KIT: variants seen among roughly 807,000 people sequenced by gnomAD.
KIT encodes the protein KIT proto-oncogene, receptor tyrosine kinase, also known as mast/stem cell growth factor receptor Kit.
KIT carries 16 observed loss-of-function variants against 105.7 expected under a neutral mutation model. That is an observed-to-expected ratio of 0.15 (90% CI 0.10 to 0.23). The LOEUF is 0.23. Among genes scored for constraint, KIT ranks in the 10% least tolerant of loss-of-function variants. The pLI is 1.00. For synonymous variants in KIT, 438 were observed against 441.1 expected, an observed-to-expected ratio of 0.99 and a Z score of 0.09; for missense variants, 858 against 1,213.8, an observed-to-expected ratio of 0.71 and a Z score of 4.36.
intron 9 of KIT, 92 bp from the exon 10 acceptor site, chr4:54,727,126 G>A: frequency 9.8e-7 from 1 of 1,016,298 alleles, no homozygotes; most frequent in Non-Finnish European, 1.6e-6. Flanking sequence ...TGGGCTGTGA[G>A]TTGGGAGGTG....
intron 1 of KIT, among the ~76,000 whole-genome samples, chr4:54,658,445 C>A (rs1049960173): frequency 6.6e-6 from 1 of 152,000 alleles, no homozygotes; most frequent in African/African-American, 2.4e-5. Context: ...GCACCGAGCG[C>A]CTTCTCTTGC....
chr4:54,719,752 T>C (rs986423113), intron 7 of KIT, among the ~76,000 whole-genome samples: 1 of 152,198 alleles, frequency 6.6e-6, no homozygotes, highest in Admixed American at 6.5e-5. Context: ...AAAGGCAAGA[T>C]GTATATTTAA....
At chr4:54,735,380 A>C (rs537556736) in intron 17 of KIT, among the ~76,000 whole-genome samples, 44 of 107,502 alleles carry the variant, frequency 4.1e-4, no homozygotes, top group Non-Finnish European at 6.8e-4. Flanking sequence ...AAAAAAAAAG[A>C]AAAAAAAAAA....
chr4:54,668,171 GA>G (rs1473976774), intron 1 of KIT, among the ~76,000 whole-genome samples: 1 of 152,144 alleles, frequency 6.6e-6, no homozygotes, highest in African/African-American at 2.4e-5. Context: ...TCCTGTTTTA[GA>G]AACCTATTAG....
chr4:54,682,432 T>TATTAATGTAAGAGA (rs1222813535), intron 1 of KIT, among the ~76,000 whole-genome samples: 3 of 151,948 alleles, frequency 2.0e-5, no homozygotes, highest in Non-Finnish European at 4.4e-5. Flanking sequence ...TTTGTCTTTT[T>TATTAATGTAAGAGA]TTTCTTTTTT....
chr4:54,732,705 G>A (rs985021967), intron 16 of KIT, among the ~76,000 whole-genome samples: 2 of 152,136 alleles, frequency 1.3e-5, no homozygotes, highest in African/African-American at 2.4e-5. Flanking sequence ...GATTGAATTT[G>A]CAAAGGCATA....
intron 7 of KIT, among the ~76,000 whole-genome samples, chr4:54,714,815 G>T (rs945417939): frequency 6.6e-6 from 1 of 152,194 alleles, no homozygotes; most frequent in Admixed American, 6.5e-5. Flanking sequence ...AGCCAGTGCG[G>T]TGGGAGTACT....
At chr4:54,723,169 C>T (rs2109759050) in intron 7 of KIT, among the ~76,000 whole-genome samples, 1 of 152,230 alleles carries the variant, frequency 6.6e-6, no homozygotes, top group South Asian at 2.1e-4. Context: ...CATTCCAGTT[C>T]CCACAATAAC....
At position 54,658,137 on chromosome 4, in the gene KIT, T is replaced by C. The variant is rs999020; in HGVS notation, c.67+56T>C. On this transcript the variant is annotated intron_variant, in intron 1 of 20. Coordinates refer to ENST00000288135, the MANE Select transcript of KIT (RefSeq NM_000222.3). The stretch of plus-strand genomic sequence containing the variant: ...GCGACTACTCGGCGAAGCCTGTGCC[T>C]GGGAGGGTGGTACCCGCCAGGGTGC... 868,019 of 1,559,174 alleles carry C rather than the reference T, an allele frequency of 0.56. 243,586 individuals are homozygous for C. Among genetic ancestry groups the C allele is most frequent in the African/African-American group, 0.67 (49,873 of 73,920 alleles).
At position 54,723,787 on chromosome 4, in the gene KIT, T is replaced by A. The variant is rs192927826; in HGVS notation, c.1346+89T>A. 898 of 884,436 alleles carry A rather than the reference T, an allele frequency of 1.0e-3. 10 individuals carry two copies. The East Asian group carries it at 0.011, about 10-fold the overall frequency. 54.8% of individuals were successfully genotyped at this position (884,436 alleles called of 1,614,324 possible). On this transcript the variant is annotated intron_variant, in intron 8 of 20. Coordinates refer to ENST00000288135, the MANE Select transcript of KIT (RefSeq NM_000222.3). ...TTCAAATATGTTTTCTGATTTTTTTTAAAAAAGCTTTGTTTTGATTATTGT... is the reference window on the plus strand; with the variant it reads ...TTCAAATATGTTTTCTGATTTTTTTAAAAAAAGCTTTGTTTTGATTATTGT...
At chr4:54,664,582 ATTATTTAT>A (rs3033777) in intron 1 of KIT, among the ~76,000 whole-genome samples, 50,495 of 144,162 alleles carry the variant, frequency 0.35, 9,001 homozygotes, top group Admixed American at 0.45. Context: ...GTCTGTTTTT[ATTATTTAT>A]TTATTTATTT....
chr4:54,680,138 A>C (rs1718799070), intron 1 of KIT, among the ~76,000 whole-genome samples: 1 of 152,136 alleles, frequency 6.6e-6, no homozygotes, highest in Non-Finnish European at 1.5e-5. Context: ...GTATACTTGC[A>C]AGGTTAAAAT....
Position 54,698,213 on chromosome 4 carries a change from A to G in KIT, c.338-71A>G, listed in dbSNP as rs1419754416. On this transcript the variant is annotated intron_variant, in intron 2 of 20. Transcript: ENST00000288135. Reference sequence around the variant, plus strand: ...CTAGTCATGAAAGGCAACATATTAGATCTTTTAAAAAGTGTTTTCAGTGTC... The same window carrying G: ...CTAGTCATGAAAGGCAACATATTAGGTCTTTTAAAAAGTGTTTTCAGTGTC... The G allele has an allele frequency of 2.0e-6, 3 of 1,476,042 alleles. No homozygotes were observed. The East Asian group carries it at 7.0e-5, about 34-fold the overall frequency. The allele number at this position is 1,476,042 out of a possible 1,614,324, so 91.4% of individuals were successfully genotyped here.
At chr4:54,733,389 G>C (rs1250425056) in intron 17 of KIT, 197 bp downstream of exon 17, 4 of 531,508 alleles carry the variant, frequency 7.5e-6, no homozygotes, top group African/African-American at 1.9e-5. Context: ...AATAATAGAA[G>C]TCCTAATTCT....
Position 54,695,525 on chromosome 4 carries a change from A to G in KIT, c.81A>G (p.Pro27=). The G allele has an allele frequency of 6.2e-7, 1 of 1,614,194 alleles. No individual in the cohort carries two copies. Among genetic ancestry groups the G allele is most frequent in the Middle Eastern group, 1.6e-4 (1 of 6,062 alleles). The change falls in exon 2 of 21, where the codon CCA becomes CCG. Residue 27 remains proline (P), a synonymous_variant. Coordinates refer to ENST00000288135, the MANE Select transcript of KIT (RefSeq NM_000222.3). ...LLRVQTGSSQ[P]SVSPGEPSPP... is the part of the protein sequence containing the mutation. Reference sequence around the variant, plus strand: ...TTTTCTTGGCAGGCTCTTCTCAACCATCTGTGAGTCCAGGGGAACCGTCTC... The same window carrying G: ...TTTTCTTGGCAGGCTCTTCTCAACCGTCTGTGAGTCCAGGGGAACCGTCTC...
chr4:54,710,039 C>G (rs1377455788), intron 7 of KIT, among the ~76,000 whole-genome samples: 2 of 152,112 alleles, frequency 1.3e-5, no homozygotes, highest in Non-Finnish European at 2.9e-5. Flanking sequence ...TACTGAGTAC[C>G]ATGTGGTATG....
intron 1 of KIT, among the ~76,000 whole-genome samples, chr4:54,665,031 G>T (rs1717589364): frequency 6.6e-6 from 1 of 151,910 alleles, no homozygotes; most frequent in South Asian, 2.1e-4. Context: ...TATACCCATT[G>T]AAGAGCAGCT....
At chr4:54,679,984 A>C (rs1466771643) in intron 1 of KIT, among the ~76,000 whole-genome samples, 1 of 152,230 alleles carries the variant, frequency 6.6e-6, no homozygotes, top group East Asian at 1.9e-4. Context: ...GACAGAAAGT[A>C]GAATCATGTT....
intron 1 of KIT, among the ~76,000 whole-genome samples, chr4:54,681,176 G>A (rs902417735): frequency 6.6e-6 from 1 of 151,374 alleles, no homozygotes; most frequent in African/African-American, 2.4e-5. Context: ...TTGTTCTGGT[G>A]TTTATTGGAT....
Sources: gnomAD v4.1 joint callset for allele counts (sites outside exome capture counted in the v4.1 genomes callset) on GRCh38, gnomAD v4.1.1 for gene constraint, MANE v1.5 for transcripts, NCBI Gene and HGNC (gene_info 2026-07-23, HGNC 2026-07-21) for gene names.